MYH9: variants seen among roughly 807,000 people sequenced by gnomAD.
MYH9 encodes myosin-9.
A neutral mutation model predicts 241.9 loss-of-function variants in MYH9; 29 were observed. The ratio of observed to expected loss-of-function variants is 0.12; its 90% CI spans 0.09 to 0.16. MYH9 has a LOEUF of 0.16. Ranked by LOEUF, MYH9 falls within the 10% of genes least tolerant of loss-of-function variation. The probability of loss-of-function intolerance (pLI) is 1.00; values close to 1 mark genes in which losing one functional copy is unlikely to be tolerated. For missense variants in MYH9, 1,803 were observed against 2,595.5 expected, an observed-to-expected ratio of 0.69 and a Z score of 6.63; for synonymous variants, 1,047 against 1,062.6, an observed-to-expected ratio of 0.99 and a Z score of 0.29.
chr22:36,284,911 T>C (rs144025771), intron 38 of MYH9, among the ~76,000 whole-genome samples: 252 of 152,266 alleles, frequency 1.7e-3, no homozygotes, highest in Non-Finnish European at 3.1e-3. Flanking sequence ...CTCCTGGCTT[T>C]AGAGGTGGAA....
chr22:36,319,420 C>A, intron 10 of MYH9, 120 bp downstream of exon 10: 1 of 942,882 alleles, frequency 1.1e-6, no homozygotes, highest in South Asian at 1.4e-5. Context: ...ATAGAAAATA[C>A]CGACAGATAC....
At position 36,306,897 on chromosome 22, in the gene MYH9, T is replaced by C. The variant is rs1327558585; in HGVS notation, c.1844-290A>G. 6.6e-6 allele frequency among the ~76,000 whole-genome samples: 1 copy of C among 152,190 alleles called. No individual in the cohort carries two copies. Among genetic ancestry groups the C allele is most frequent in the African/African-American group, 2.4e-5 (1 of 41,442 alleles). On this transcript the variant is annotated intron_variant, in intron 15 of 40. Transcript: ENST00000216181. The surrounding 1 kb of genome is among the most constrained non-coding windows in gnomAD (Gnocchi z 4.1). ...TCTTCAGCCACTCTCGAAGCTCTTATTTCCAAAAAGACTCAATGAAGCTAG... is the reference window on the plus strand; with the variant it reads ...TCTTCAGCCACTCTCGAAGCTCTTACTTCCAAAAAGACTCAATGAAGCTAG...
Position 36,332,161 on chromosome 22 carries a change from G to A in MYH9, c.491-4673C>T, listed in dbSNP as rs182480766. On this transcript the variant is annotated intron_variant, in intron 3 of 40. Coordinates refer to ENST00000216181, the MANE Select transcript of MYH9 (RefSeq NM_002473.6). ...ATGAGCACAGCACTCGGCACCTCCC[G>A]CAGGCCTGCCTCAGTGCTGCAAAGA... 2.7e-3 allele frequency among the ~76,000 whole-genome samples: 410 copies of A among 152,258 alleles called. 1 individual carries two copies. The highest frequency in any genetic ancestry group is 6.8e-3 in the Middle Eastern group (2 of 294).
chr22:36,327,361 G>T (rs753478436), intron 4 of MYH9, 100 bp downstream of exon 4: 6 of 1,391,402 alleles, frequency 4.3e-6, no homozygotes, highest in Non-Finnish European at 6.1e-6. Context: ...ATTGGGAATG[G>T]GGGACTCTGC....
rs60527571 is a variant in MYH9, at chr22:36,341,710, C to T, written c.334-184G>A. Among the ~76,000 whole-genome samples, 3,840 of 152,296 alleles carry T rather than the reference C, an allele frequency of 0.025. 165 individuals carry two copies. Among genetic ancestry groups the T allele is most frequent in the African/African-American group, 0.088 (3,640 of 41,550 alleles). ...CAGCCCTGCTGCAGGTGTGAAGCACCGGCATCCTCCTTCTGCCCTGTAAGT... is the reference window on the plus strand; with the variant it reads ...CAGCCCTGCTGCAGGTGTGAAGCACTGGCATCCTCCTTCTGCCCTGTAAGT... On this transcript the variant is annotated intron_variant, in intron 2 of 40. Coordinates refer to ENST00000216181, the MANE Select transcript of MYH9 (RefSeq NM_002473.6).
Position 36,286,209 on chromosome 22 carries a change from G to A in MYH9, c.5062-256C>T, listed in dbSNP as rs1362589277. 2.0e-5 allele frequency among the ~76,000 whole-genome samples: 3 copies of A among 152,360 alleles called. No homozygotes were observed. The East Asian group carries it at 5.8e-4, about 29-fold the overall frequency. On this transcript the variant is annotated intron_variant, in intron 35 of 40. Transcript: ENST00000216181. ...CAGGGTATGGCGATAAGTAAGAAGT[G>A]TCCTGGCCTAACCAGGGAGACCACG...
rs758846190 is a variant in MYH9 at position 36,319,530 on chromosome 22, C to T, written c.1108+10G>A. On this transcript the variant is annotated intron_variant, in intron 10 of 40. Transcript: ENST00000216181. ...CCCCATTATTTCCAGCGAGAGGCCC[C>T]GGGTGTTACCTGTGTTGTCGGGCAT... 5.0e-6 allele frequency: 8 copies of T among 1,613,670 alleles called. No homozygotes were observed. The highest frequency in any genetic ancestry group is 1.6e-4 in the Middle Eastern group (1 of 6,084).
At chr22:36,342,478 T>A (rs546392780) in intron 2 of MYH9, among the ~76,000 whole-genome samples, 1 of 152,286 alleles carries the variant, frequency 6.6e-6, no homozygotes, top group South Asian at 2.1e-4. Context: ...AGCAACAGTT[T>A]ACACACATCT....
chr22:36,352,445 C>T (rs994276015), intron 1 of MYH9, among the ~76,000 whole-genome samples: 3 of 152,214 alleles, frequency 2.0e-5, no homozygotes, highest in African/African-American at 7.2e-5. Context: ...AATGCCAACC[C>T]TAACAGCAAA....
Position 36,306,480 on chromosome 22 carries a change from C to T in MYH9, c.1971G>A (p.Leu657=). The T allele has an allele frequency of 6.2e-7, 1 of 1,614,162 alleles. No homozygotes were observed. Among genetic ancestry groups the T allele is most frequent in the Non-Finnish European group, 8.5e-7 (1 of 1,180,046 alleles). Residue 657 remains leucine, a synonymous_variant, in exon 16 of 41, where the codon CTG becomes CTA. Coordinates refer to ENST00000216181, the MANE Select transcript of MYH9 (RefSeq NM_002473.6). This position sits in a 1 kb window ranked among gnomAD's most constrained non-coding sequence, Gnocchi z 4.1. The part of the protein sequence containing the change: ...GQLYKEQLAK[L]MATLRNTNPN... ...GGTTCGTGTTCCTCAGCGTAGCCAT[C>T]AGCTTGGCCAGCTGCTCCTTGTAAA... is the stretch of plus-strand genomic sequence containing the variant.
rs2016833274 is a variant in MYH9 at position 36,299,049 on chromosome 22, A to G, written c.2977-7T>C. 6.2e-7 allele frequency: 1 copy of G among 1,613,826 alleles called. No individual in the cohort carries two copies. Among genetic ancestry groups the G allele is most frequent in the Non-Finnish European group, 8.5e-7 (1 of 1,179,934 alleles). On this transcript the variant is annotated splice_region_variant and splice_polypyrimidine_tract_variant and intron_variant, in intron 23 of 40. Transcript: ENST00000216181. ...CTTCCAGCAGTTTCTTTTCCTGGGG[A>G]GAGGGGAGTAGGCTGGCATTTAGTG...
intron 15 of MYH9, among the ~76,000 whole-genome samples, chr22:36,307,252 T>C (rs1303404902): frequency 1.3e-5 from 2 of 152,164 alleles, no homozygotes; most frequent in African/African-American, 4.8e-5. Flanking sequence ...TCATTTTGTC[T>C]CCTGGTGCAC....
intron 15 of MYH9, chr22:36,308,929 G>C: frequency 1.1e-6 from 1 of 914,276 alleles, no homozygotes; most frequent in Non-Finnish European, 1.3e-6. Flanking sequence ...CCAACAGAAA[G>C]AATTAAAAAG....
Position 36,300,782 on chromosome 22 carries a change from T to C in MYH9, c.2838+69A>G. On this transcript the variant is annotated intron_variant, in intron 22 of 40. Transcript: ENST00000216181. The surrounding 1 kb of genome is among the most constrained non-coding windows in gnomAD (Gnocchi z 5.0). ...CCTAATTCCATGTTCTCCCAGCTCCTGGTTCCTGCTCCTCCGCCCCGCCCT... is the reference window on the plus strand; with the variant it reads ...CCTAATTCCATGTTCTCCCAGCTCCCGGTTCCTGCTCCTCCGCCCCGCCCT... 1 of 1,562,750 alleles carries C rather than the reference T, an allele frequency of 6.4e-7. No homozygotes were observed. The highest frequency in any genetic ancestry group is 8.7e-7 in the Non-Finnish European group (1 of 1,149,296).
In MYH9 at chr22:36,285,651, C is replaced by A; in HGVS notation, c.5274+7G>T. The A allele has an allele frequency of 6.2e-7, 1 of 1,612,036 alleles. No homozygotes were observed. Among genetic ancestry groups the A allele is most frequent in the Non-Finnish European group, 8.5e-7 (1 of 1,180,010 alleles). ...GAGCCCAGAGTGGGAGAAGTCCTGG[C>A]ACCCACCTGCAGGTTGGCCTTCTTC... On this transcript the variant is annotated splice_region_variant and intron_variant, in intron 37 of 40. Coordinates refer to ENST00000216181, the MANE Select transcript of MYH9 (RefSeq NM_002473.6). The surrounding 1 kb of genome is among the most constrained non-coding windows in gnomAD (Gnocchi z 7.0).
At chr22:36,312,796 A>C (rs1339611848) in intron 13 of MYH9, among the ~76,000 whole-genome samples, 3 of 152,228 alleles carry the variant, frequency 2.0e-5, no homozygotes, top group African/African-American at 7.2e-5. Context: ...AACTGATTAA[A>C]GAAAAAAGCT....
rs727504863 is a variant in MYH9, at chr22:36,320,833, T to C, written c.833A>G (p.Tyr278Cys). 8 of 1,613,990 alleles carry C rather than the reference T, an allele frequency of 5.0e-6. No homozygotes were observed. Among genetic ancestry groups the C allele is most frequent in the Admixed American group, 1.7e-5 (1 of 59,998 alleles). ...AKEERTFHIF[Y>C]YLLSGAGEHL... ...CTCTCCAGCCCCAGACAGGAGATAATAGAAGATGTGGAAGGTCCGTTCTTC... is the reference window on the plus strand; with the variant it reads ...CTCTCCAGCCCCAGACAGGAGATAACAGAAGATGTGGAAGGTCCGTTCTTC... The change falls in exon 8 of 41, where the codon TAT becomes TGT. Residue 278 changes from tyrosine (Y) to cysteine (C), a missense_variant. By Grantham distance (194) the Tyr-to-Cys change is radical (BLOSUM62 -2). Around this residue, in one of 11 missense-constraint regions of MYH9, gnomAD observed 222 missense variants for 359.9 expected, o/e 0.62. Coordinates refer to ENST00000216181, the MANE Select transcript of MYH9 (RefSeq NM_002473.6). The surrounding 1 kb of genome is among the most constrained non-coding windows in gnomAD (Gnocchi z 4.8).
In MYH9 at chr22:36,341,365, C is replaced by T. The variant is rs766602495; in HGVS notation, c.490+5G>A. The T allele has an allele frequency of 6.2e-7, 1 of 1,613,576 alleles. No individual in the cohort carries two copies. The highest frequency in any genetic ancestry group is 1.1e-5 in the South Asian group (1 of 91,068). On this transcript the variant is annotated splice_donor_5th_base_variant and intron_variant, in intron 3 of 40. Transcript: ENST00000216181. Reference sequence around the variant, plus strand: ...CCCCAGGTGGGCACACACTACGTCACCCACCTTGCATCATACTCCTGTAGG... The same window carrying T: ...CCCCAGGTGGGCACACACTACGTCATCCACCTTGCATCATACTCCTGTAGG...
At position 36,306,773 on chromosome 22, in the gene MYH9, C is replaced by T. The variant is rs2016978053; in HGVS notation, c.1844-166G>A. On this transcript the variant is annotated intron_variant, in intron 15 of 40. Coordinates refer to ENST00000216181, the MANE Select transcript of MYH9 (RefSeq NM_002473.6). This position sits in a 1 kb window ranked among gnomAD's most constrained non-coding sequence, Gnocchi z 4.1. ...GCCTACACTGGGTGCTAAGGTCATC[C>T]CCAAACACAGCGGGAAGCCAAGGGG... Among the ~76,000 whole-genome samples, 1 of 152,168 alleles carries T rather than the reference C, an allele frequency of 6.6e-6. No homozygotes were observed.
Sources: gnomAD v4.1 joint callset for allele counts (sites outside exome capture counted in the v4.1 genomes callset) on GRCh38, gnomAD v4.1.1 for gene constraint, gnomAD v4.1.1 regional missense constraint, Gnocchi (gnomAD v3.1) non-coding constraint, MANE v1.5 for transcripts, NCBI Gene and HGNC (gene_info 2026-07-23, HGNC 2026-07-21) for gene names.